The following GRM1 variants were observed in gnomAD, a reference collection of about 807,000 sequenced individuals.
GRM1 encodes metabotropic glutamate receptor 1.
Under a neutral mutation model 90.9 loss-of-function variants are expected in GRM1, and 33 were observed. The observed-to-expected ratio is 0.36, with a 90% CI of 0.28 to 0.49. GRM1 has a LOEUF of 0.49. Ranked by LOEUF, GRM1 falls within the 20% of genes least tolerant of loss-of-function variation. The pLI, the probability that GRM1 is intolerant of heterozygous loss-of-function variation, is 0.99. For missense variants in GRM1, 1,190 were observed against 1,534.3 expected (o/e 0.78, Z 3.75); for synonymous variants, 700 against 613.2 (o/e 1.14, Z -2.09).
intron 3 of GRM1, among the ~76,000 whole-genome samples, chr6:146,314,371 A>G (rs1289585684): frequency 6.6e-6 from 1 of 152,064 alleles, no homozygotes; most frequent in African/African-American, 2.4e-5. Flanking sequence ...CTATTAATTG[A>G]AGAGTAGTGC....
At chr6:146,364,737 C>T (rs910606580) in intron 5 of GRM1, among the ~76,000 whole-genome samples, 1 of 150,170 alleles carries the variant, frequency 6.7e-6, no homozygotes, top group Non-Finnish European at 1.5e-5. Context: ...TACCACATCA[C>T]GCCTCTCTCT....
intron 2 of GRM1, among the ~76,000 whole-genome samples, chr6:146,162,414 G>A (rs1248293647): frequency 6.6e-6 from 1 of 152,098 alleles, no homozygotes; most frequent in Non-Finnish European, 1.5e-5. Flanking sequence ...AACTCGTCTT[G>A]ACACTACCAT....
At chr6:146,329,630 C>T (rs1249745039) in intron 3 of GRM1, among the ~76,000 whole-genome samples, 1 of 152,158 alleles carries the variant, frequency 6.6e-6, no homozygotes, top group Non-Finnish European at 1.5e-5. Context: ...ATCACAGATG[C>T]TCCTTGACTT....
At chr6:146,366,911 C>T (rs1475864328) in intron 5 of GRM1, among the ~76,000 whole-genome samples, 2 of 152,070 alleles carry the variant, frequency 1.3e-5, no homozygotes, top group East Asian at 1.9e-4. Context: ...TTGATATAAT[C>T]TCATTTGTCT....
chr6:146,085,524 A>G (rs566503284), intron 1 of GRM1, among the ~76,000 whole-genome samples: 1 of 152,192 alleles, frequency 6.6e-6, no homozygotes, highest in Non-Finnish European at 1.5e-5. Context: ...AATACCTACT[A>G]GGTTTTTAAG....
chr6:146,196,225 T>A (rs1431367743), intron 2 of GRM1, among the ~76,000 whole-genome samples: 1 of 152,068 alleles, frequency 6.6e-6, no homozygotes, highest in Non-Finnish European at 1.5e-5. Flanking sequence ...AACCCTTCTT[T>A]GAGGAAATGT....
chr6:146,315,432 G>C (rs562422125), intron 3 of GRM1, among the ~76,000 whole-genome samples: 2 of 152,030 alleles, frequency 1.3e-5, no homozygotes, highest in Non-Finnish European at 2.9e-5. Context: ...TGAATCCTTA[G>C]AGATGTAAAT....
intron 2 of GRM1, among the ~76,000 whole-genome samples, chr6:146,161,370 C>T (rs1038948495): frequency 3.3e-5 from 5 of 152,098 alleles, no homozygotes; most frequent in African/African-American, 1.2e-4. Context: ...ATCCTGTCAC[C>T]ATTGTGAGCT....
chr6:146,063,548 T>C (rs1010118031), intron 1 of GRM1, among the ~76,000 whole-genome samples: 2 of 152,224 alleles, frequency 1.3e-5, no homozygotes, highest in African/African-American at 4.8e-5. Flanking sequence ...TTTATTTTCT[T>C]GTTTCTGTAA....
At chr6:146,417,506 G>C (rs1043897006) in intron 7 of GRM1, among the ~76,000 whole-genome samples, 12 of 152,110 alleles carry the variant, frequency 7.9e-5, no homozygotes, top group African/African-American at 2.9e-4. Flanking sequence ...GATTACACTT[G>C]TAATACTATG....
intron 2 of GRM1, among the ~76,000 whole-genome samples, chr6:146,236,836 T>C (rs973797059): frequency 1.3e-5 from 2 of 152,120 alleles, no homozygotes; most frequent in Non-Finnish European, 2.9e-5. Context: ...ACAGGCCCAA[T>C]AGAGACATTC....
At chr6:146,319,806 A>C (rs1194630921) in intron 3 of GRM1, among the ~76,000 whole-genome samples, 1 of 152,132 alleles carries the variant, frequency 6.6e-6, no homozygotes, top group Non-Finnish European at 1.5e-5. Context: ...ATTTTTGCAC[A>C]TTGCTTCTGT....
intron 1 of GRM1, among the ~76,000 whole-genome samples, chr6:146,042,890 A>G (rs1791168127): frequency 6.6e-6 from 1 of 152,016 alleles, no homozygotes; most frequent in Admixed American, 6.6e-5. Flanking sequence ...GGTGCCCATC[A>G]GAGATCAGAG....
At chr6:146,426,558 G>T in intron 7 of GRM1, 1 of 1,611,922 alleles carries the variant, frequency 6.2e-7, no homozygotes, top group Non-Finnish European at 8.5e-7. Flanking sequence ...TCAATCTTCA[G>T]GAAGAGGCAG....
intron 2 of GRM1, among the ~76,000 whole-genome samples, chr6:146,267,692 G>T (rs565919478): frequency 0.08 from 8,739 of 109,006 alleles, 884 homozygotes; most frequent in African/African-American, 0.32. Context: ...GCTCGGCTCG[G>T]CTCGGCTCGG....
chr6:146,157,996 T>C lies in GRM1; in HGVS notation c.701-1352T>C, dbSNP rs149140740. Among the ~76,000 whole-genome samples, 491 of 152,310 alleles carry C rather than the reference T, an allele frequency of 3.2e-3. 4 individuals carry two copies. The highest frequency in any genetic ancestry group is 0.011 in the African/African-American group (460 of 41,574). Reference sequence around the variant, plus strand: ...GAAATATTTAATATTTAATCATTAATGAAATAATTTATTCCTTCTGTAAGA... The same window carrying C: ...GAAATATTTAATATTTAATCATTAACGAAATAATTTATTCCTTCTGTAAGA... On this transcript the variant is annotated intron_variant, in intron 1 of 7. Coordinates refer to ENST00000282753, the MANE Select transcript of GRM1 (RefSeq NM_001278064.2).
At chr6:146,059,191 A>G (rs897776762) in intron 1 of GRM1, among the ~76,000 whole-genome samples, 3 of 152,100 alleles carry the variant, frequency 2.0e-5, no homozygotes, top group African/African-American at 7.2e-5. Flanking sequence ...GCTTCATGAA[A>G]TGCATTTCTT....
chr6:146,151,680 T>C (rs962228483), intron 1 of GRM1, among the ~76,000 whole-genome samples: 6 of 152,178 alleles, frequency 3.9e-5, no homozygotes, highest in Non-Finnish European at 2.9e-5. Flanking sequence ...TGTCTGACTT[T>C]TCAAAATCAT....
At chr6:146,276,697 T>G (rs1165343259) in intron 2 of GRM1, among the ~76,000 whole-genome samples, 1 of 152,192 alleles carries the variant, frequency 6.6e-6, no homozygotes, top group Non-Finnish European at 1.5e-5. Flanking sequence ...AATGAATTGT[T>G]AGTTAAAAAT....
Sources: gnomAD v4.1 joint callset for allele counts (sites outside exome capture counted in the v4.1 genomes callset) on GRCh38, gnomAD v4.1.1 for gene constraint, MANE v1.5 for transcripts, NCBI Gene and HGNC (gene_info 2026-07-23, HGNC 2026-07-21) for gene names.